RTF1: variants seen among roughly 807,000 people sequenced by gnomAD.
RTF1 encodes RNA polymerase-associated protein RTF1 homolog.
In RTF1, 10 loss-of-function variants were observed where a neutral mutation model predicts 95.7. That is an observed-to-expected ratio of 0.10 (90% CI 0.06 to 0.18). The LOEUF (loss-of-function observed/expected upper bound fraction) is 0.18, where lower values mean the gene tolerates loss of function less well. Ranked by LOEUF, RTF1 falls within the 10% of genes least tolerant of loss-of-function variation. The pLI is 1.00. For synonymous variants in RTF1, 305 were observed against 311.8 expected, an observed-to-expected ratio of 0.98 and a Z score of 0.23; for missense variants, 458 against 875.6, an observed-to-expected ratio of 0.52 and a Z score of 6.02.
chr15:41,440,939 G>A (rs1467623339), intron 2 of RTF1, among the ~76,000 whole-genome samples: 1 of 148,580 alleles, frequency 6.7e-6, no homozygotes, highest in African/African-American at 2.5e-5. Flanking sequence ...GAAAAACCTT[G>A]AAATAATTTT....
intron 7 of RTF1, among the ~76,000 whole-genome samples, chr15:41,470,819 C>T (rs550015531): frequency 3.9e-5 from 6 of 151,990 alleles, no homozygotes; most frequent in African/African-American, 7.2e-5. Context: ...CCACTACGCC[C>T]GGCTAATTTT....
At chr15:41,468,679 A>G (rs563079995) in intron 6 of RTF1, among the ~76,000 whole-genome samples, 44 of 152,326 alleles carry the variant, frequency 2.9e-4, no homozygotes, top group African/African-American at 1.1e-3. Flanking sequence ...CAGGAAAGGC[A>G]AGATAAATGC....
At chr15:41,467,448 C>A (rs1278954800) in intron 6 of RTF1, among the ~76,000 whole-genome samples, 1 of 152,146 alleles carries the variant, frequency 6.6e-6, no homozygotes, top group Non-Finnish European at 1.5e-5. Context: ...GTCGTGGTGC[C>A]TCACAATTGT....
intron 4 of RTF1, among the ~76,000 whole-genome samples, chr15:41,459,033 C>T (rs2050833219): frequency 6.6e-6 from 1 of 151,992 alleles, no homozygotes; most frequent in South Asian, 2.1e-4. Context: ...GATTATGCCA[C>T]TGGACTCCAG....
intron 1 of RTF1, among the ~76,000 whole-genome samples, chr15:41,418,556 G>C (rs2050583357): frequency 6.6e-6 from 1 of 152,078 alleles, no homozygotes; most frequent in Non-Finnish European, 1.5e-5. Flanking sequence ...GGTGGCTCAC[G>C]CCTGTAGTCC....
chr15:41,425,079 G>T (rs1442113318), intron 1 of RTF1, among the ~76,000 whole-genome samples: 2 of 152,084 alleles, frequency 1.3e-5, no homozygotes, highest in African/African-American at 4.8e-5. Context: ...GGGACTGCAA[G>T]TGTGTGCCAC....
At chr15:41,462,075 C>G (rs1385437469) in intron 4 of RTF1, among the ~76,000 whole-genome samples, 2 of 151,862 alleles carry the variant, frequency 1.3e-5, no homozygotes, top group Non-Finnish European at 2.9e-5. Context: ...TTTTTAGTGA[C>G]TATAAGAATG....
intron 4 of RTF1, among the ~76,000 whole-genome samples, chr15:41,458,638 A>C (rs1441930194): frequency 4.0e-5 from 6 of 151,610 alleles, no homozygotes; most frequent in Non-Finnish European, 8.8e-5. Flanking sequence ...AGTCCCAGCT[A>C]CTCAGGAGGC....
At position 41,480,597 on chromosome 15, in the gene RTF1, C is replaced by G. The variant is rs751363848; in HGVS notation, c.2043C>G (p.Ala681=). 6 of 1,610,392 alleles carry G rather than the reference C, an allele frequency of 3.7e-6. No individual in the cohort carries two copies. The highest frequency in any genetic ancestry group is 5.1e-6 in the Non-Finnish European group (6 of 1,177,630). The stretch of plus-strand genomic sequence containing the variant: ...TTCCCACAGAGTCAAAGGCTTTAGC[C>G]ATCACCTCCAAGGCTCCGCCAGCCA... ...QVPSSESKAL[A]ITSKAPPAKD... The change falls in exon 18 of 18, where the codon GCC becomes GCG. Residue 681 remains alanine, a synonymous_variant. Transcript: ENST00000389629.
rs148342758 is a variant in RTF1, at chr15:41,424,948, G to T, written c.198+7635G>T. 4.0e-3 allele frequency among the ~76,000 whole-genome samples: 613 copies of T among 151,682 alleles called. 6 individuals are homozygous for T. The highest frequency in any genetic ancestry group is 0.014 in the African/African-American group (589 of 41,370). ...CCCTTGAACCTAGGAGGCGGAGGTT[G>T]CAGTGAGCCGAGATCACCACTGTAT... On this transcript the variant is annotated intron_variant, in intron 1 of 17. Transcript: ENST00000389629.
rs1400179911 is a variant in RTF1, at chr15:41,417,213, G to A, written c.98G>A (p.Arg33Gln). Residue 33 changes from arginine (R) to glutamine (Q), a missense_variant, in exon 1 of 18, where the codon CGG (arginine) becomes CAG (glutamine). Arg to Gln is a conservative substitution (Grantham distance 43, BLOSUM62 1). Transcript: ENST00000389629. ...GGQEGSPGGG[R>Q]RGSRGTTMVK... ...CAAGAGGGGAGTCCGGGCGGCGGCC[G>A]GCGTGGGAGCCGGGGGACCACCATG... 2.4e-6 allele frequency: 3 copies of A among 1,262,106 alleles called. No individual in the cohort carries two copies. Among genetic ancestry groups the A allele is most frequent in the Non-Finnish European group, 2.0e-6 (2 of 998,440 alleles). The allele number at this position is 1,262,106 out of a possible 1,614,324, so 78.2% of individuals were successfully genotyped here.
At position 41,479,161 on chromosome 15, in the gene RTF1, C is replaced by T. The variant is rs1170114681; in HGVS notation, c.1877C>T (p.Ser626Phe). 8.1e-6 allele frequency: 13 copies of T among 1,613,806 alleles called. No homozygotes were observed. The highest frequency in any genetic ancestry group is 2.7e-5 in the African/African-American group (2 of 74,882). ...ILAQLNAKYG[S>F]GVLPDAPKEM... ...GCCCAGCTGAATGCAAAATACGGTT[C>T]TGGAGTGTTACCAGATGCTCCAAAG... The change falls in exon 16 of 18, where the codon TCT (serine) becomes TTT (phenylalanine). Residue 626 changes from serine to phenylalanine, a missense_variant. Ser to Phe is a radical substitution (Grantham distance 155, BLOSUM62 -2). This residue lies in a region of RTF1 where 50 missense variants were observed against 100.0 expected (regional missense o/e 0.50). Transcript: ENST00000389629.
chr15:41,417,983 A>T (rs1173526692), intron 1 of RTF1, among the ~76,000 whole-genome samples: 4 of 152,086 alleles, frequency 2.6e-5, no homozygotes, highest in Admixed American at 2.0e-4. Context: ...GAAATAGAGA[A>T]CTATGTAGGG....
At chr15:41,468,553 G>A (rs1188900067) in intron 6 of RTF1, among the ~76,000 whole-genome samples, 17 of 152,076 alleles carry the variant, frequency 1.1e-4, no homozygotes, top group Non-Finnish European at 2.1e-4. Context: ...TCCTGACCTT[G>A]TGATCCGCCC....
chr15:41,430,011 CT>C (rs747303648), intron 1 of RTF1, among the ~76,000 whole-genome samples: 2,102 of 129,984 alleles, frequency 0.016, 47 homozygotes, highest in African/African-American at 0.054. Flanking sequence ...TTTTTCTTTT[CT>C]TTTTTTTTTT....
At chr15:41,472,988 A>C (rs1370150905) in intron 8 of RTF1, among the ~76,000 whole-genome samples, 2 of 151,922 alleles carry the variant, frequency 1.3e-5, no homozygotes, top group Non-Finnish European at 2.9e-5. Flanking sequence ...GGCGTGAGCC[A>C]CCGCACCCGG....
At chr15:41,452,831 G>T in intron 2 of RTF1, 70 bp from the exon 3 acceptor site, 1 of 1,147,340 alleles carries the variant, frequency 8.7e-7, no homozygotes, top group Non-Finnish European at 1.2e-6. Context: ...CTTAACTCTT[G>T]AGTCTTCCAG....
chr15:41,438,398 G>A lies in RTF1; in HGVS notation c.276G>A (p.Ser92=), dbSNP rs187408210. The change falls in exon 2 of 18, where the codon TCG becomes TCA. Residue 92 remains serine (S), a synonymous_variant. Coordinates refer to ENST00000389629, the MANE Select transcript of RTF1 (RefSeq NM_015138.5). The part of the protein sequence containing the change: ...KEPPVSQPAA[S]SDSETSDSDD... ...CGCCTGTGAGTCAGCCTGCAGCCTC[G>A]TCAGACTCGGAGACGTCTGACAGTG... The A allele has an allele frequency of 2.3e-4, 356 of 1,551,136 alleles. 2 individuals carry two copies. In the African/African-American group the frequency reaches 4.4e-3, roughly 19 times the overall value.
Position 41,480,765 on chromosome 15 carries a change from C to CCAAAGAGGCTAAA in RTF1, c.*78_*79insCAAAGAGGCTAAA. 1 of 1,037,074 alleles carries CCAAAGAGGCTAAA rather than the reference C, an allele frequency of 9.6e-7. No homozygotes were observed. 64.2% of individuals were successfully genotyped at this position (1,037,074 alleles called of 1,614,324 possible). A position where few individuals can be genotyped will look rare whatever the true frequency, so the allele number is the denominator to read the frequency against. On this transcript the variant is annotated 3_prime_UTR_variant, in exon 18 of 18. Coordinates refer to ENST00000389629, the MANE Select transcript of RTF1 (RefSeq NM_015138.5). ...CTTTCCTCCTTTCCTTTGATTTAGC[C>CCAAAGAGGCTAAA]TCTTTGGGCTGGAGCAGCTGTTGAA...
Sources: gnomAD v4.1 joint callset for allele counts (sites outside exome capture counted in the v4.1 genomes callset) on GRCh38, gnomAD v4.1.1 for gene constraint, gnomAD v4.1.1 regional missense constraint, MANE v1.5 for transcripts, NCBI Gene and HGNC (gene_info 2026-07-23, HGNC 2026-07-21) for gene names.